Variants in IL1R2 observed in about 807,000 individuals in gnomAD.
IL1R2 encodes interleukin-1 receptor type 2.
In IL1R2, 46 loss-of-function variants were observed where a neutral mutation model predicts 39.5. The ratio of observed to expected loss-of-function variants is 1.16; its 90% CI spans 0.92 to 1.49. The LOEUF is 1.49. Among genes scored for constraint, IL1R2 ranks in the 40% most tolerant of loss-of-function variants. The probability of loss-of-function intolerance (pLI) is 0.00; values close to 1 mark genes in which losing one functional copy is unlikely to be tolerated. For missense variants in IL1R2, 537 were observed against 502.0 expected, an observed-to-expected ratio of 1.07 and a Z score of -0.67; for synonymous variants, 207 against 189.6, an observed-to-expected ratio of 1.09 and a Z score of -0.75.
intron 1 of IL1R2, among the ~76,000 whole-genome samples, chr2:101,994,649 C>T (rs1675504655): frequency 6.6e-6 from 1 of 152,188 alleles, no homozygotes. Context: ...GAGACGTGTC[C>T]AGGGCCAAGC....
chr2:102,021,300 C>CTT (rs1374284929), intron 5 of IL1R2, among the ~76,000 whole-genome samples: 7 of 134,994 alleles, frequency 5.2e-5, no homozygotes, highest in East Asian at 4.4e-4. Context: ...TCTTTCTTTT[C>CTT]TTTTCTTTTT....
chr2:101,997,412 T>A (rs1675646088), intron 1 of IL1R2, among the ~76,000 whole-genome samples: 1 of 152,180 alleles, frequency 6.6e-6, no homozygotes, highest in Non-Finnish European at 1.5e-5. Flanking sequence ...ACAGCACCTG[T>A]TGCTGCACCT....
chr2:101,998,517 G>T (rs1410228629), intron 1 of IL1R2, among the ~76,000 whole-genome samples: 2 of 152,230 alleles, frequency 1.3e-5, no homozygotes, highest in African/African-American at 4.8e-5. Context: ...ACTATTTTAT[G>T]ATAACTCCTA....
Position 102,016,078 on chromosome 2 carries a change from CT to C in IL1R2, c.513+28del, listed in dbSNP as rs756545089. 8.9e-6 allele frequency: 14 copies of C among 1,566,304 alleles called. No individual in the cohort carries two copies. In the African/African-American group the frequency reaches 1.8e-4, roughly 20 times the overall value. ...TACGGCTTTAAAAAATGCCATTTTA[CT>C]AAAATGTGTTTTCTTTTTTTACTAG... On this transcript the variant is annotated intron_variant, in intron 4 of 8. Transcript: ENST00000332549.
chr2:101,997,729 T>G (rs538970250), intron 1 of IL1R2, among the ~76,000 whole-genome samples: 2 of 152,320 alleles, frequency 1.3e-5, no homozygotes, highest in African/African-American at 4.8e-5. Flanking sequence ...CCATTCTTCT[T>G]TAGTGCCCCT....
intron 1 of IL1R2, among the ~76,000 whole-genome samples, chr2:102,005,878 G>T (rs912955533): frequency 6.6e-6 from 1 of 152,214 alleles, no homozygotes; most frequent in Non-Finnish European, 1.5e-5. Context: ...AAGAGCAAGG[G>T]CTTTGGAATC....
chr2:102,004,492 C>CAAA (rs34596104), intron 1 of IL1R2, among the ~76,000 whole-genome samples: 181 of 99,324 alleles, frequency 1.8e-3, no homozygotes, highest in African/African-American at 5.0e-3. Flanking sequence ...GGTTATTTGA[C>CAAA]AAAAAAAAAA....
intron 1 of IL1R2, among the ~76,000 whole-genome samples, chr2:101,994,061 T>C (rs1228872895): frequency 6.6e-6 from 1 of 151,940 alleles, no homozygotes; most frequent in Non-Finnish European, 1.5e-5. Flanking sequence ...CACGGGAGAG[T>C]GCCTTTCTTC....
Position 102,009,718 on chromosome 2 carries a change from C to T in IL1R2, c.224C>T (p.Ala75Val). 1 of 1,614,194 alleles carries T rather than the reference C, an allele frequency of 6.2e-7. No homozygotes were observed. Among genetic ancestry groups the T allele is most frequent in the South Asian group, 1.1e-5 (1 of 91,090 alleles). The stretch of plus-strand genomic sequence containing the variant: ...CTGACATGGCATAAAAATGACTCTG[C>T]TAGGACGGTCCCAGGAGAAGAAGAG... ...INLTWHKNDSARTVPGEEETR... is the reference protein window; with the variant it reads ...INLTWHKNDSVRTVPGEEETR... Residue 75 changes from alanine to valine, a missense_variant, in exon 3 of 9, where the codon GCT becomes GTT. Transcript: ENST00000332549.
Position 102,019,787 on chromosome 2 carries a change from T to C in IL1R2, c.663T>C (p.Thr221=), listed in dbSNP as rs772274514. 3 of 1,614,084 alleles carry C rather than the reference T, an allele frequency of 1.9e-6. No individual in the cohort carries two copies. Among genetic ancestry groups the C allele is most frequent in the South Asian group, 1.1e-5 (1 of 91,060 alleles). Residue 221 remains threonine, a synonymous_variant, in exon 5 of 9, where the codon ACT becomes ACC. Transcript: ENST00000332549. ...FAHEGQQYNI[T]RSIELRIKKK... is the part of the protein sequence containing the mutation. ...ATGAAGGCCAGCAATACAACATCAC[T>C]AGGAGTATTGAGCTACGCATCAAGA...
At chr2:102,002,721 T>C (rs986507704) in intron 1 of IL1R2, among the ~76,000 whole-genome samples, 5 of 152,130 alleles carry the variant, frequency 3.3e-5, no homozygotes, top group African/African-American at 1.2e-4. Flanking sequence ...TCTATGTCTA[T>C]GCCTATGCCT....
intron 5 of IL1R2, among the ~76,000 whole-genome samples, chr2:102,021,568 C>A (rs935229009): frequency 6.6e-6 from 1 of 152,208 alleles, no homozygotes; most frequent in Non-Finnish European, 1.5e-5. Flanking sequence ...CCTGCCTCGG[C>A]CTCCCAAAGT....
intron 1 of IL1R2, among the ~76,000 whole-genome samples, chr2:102,006,962 C>T (rs1676304192): frequency 1.3e-5 from 2 of 152,162 alleles, no homozygotes; most frequent in African/African-American, 4.8e-5. Flanking sequence ...CTTACTGGTC[C>T]AAGGAGGATG....
chr2:102,020,831 T>A (rs1185135812), intron 5 of IL1R2, among the ~76,000 whole-genome samples: 2 of 152,186 alleles, frequency 1.3e-5, no homozygotes. Context: ...TGTGTTGTGA[T>A]CCTCCCAGGA....
chr2:102,009,431 C>T, intron 2 of IL1R2, 131 bp from the exon 3 acceptor site: 1 of 1,013,254 alleles, frequency 9.9e-7, no homozygotes, highest in Non-Finnish European at 1.5e-6. Flanking sequence ...TTGTTAGGGA[C>T]AAATGACATC....
intron 6 of IL1R2, chr2:102,023,743 TC>T (rs1677540223): frequency 6.6e-6 from 1 of 152,056 alleles, no homozygotes; most frequent in Non-Finnish European, 1.5e-5. Context: ...GAGGGCACCA[TC>T]TATAGAAAAC....
intron 6 of IL1R2, among the ~76,000 whole-genome samples, chr2:102,023,058 C>T (rs535616657): frequency 3.3e-5 from 5 of 152,324 alleles, no homozygotes; most frequent in Admixed American, 3.3e-4. Flanking sequence ...GGTCTGTGTG[C>T]CTATAAAACC....
At chr2:101,992,300 GAGAGACAGAGAAAGAC>G (rs1055167490) in intron 1 of IL1R2, among the ~76,000 whole-genome samples, 1 of 150,944 alleles carries the variant, frequency 6.6e-6, no homozygotes, top group Non-Finnish European at 1.5e-5. Flanking sequence ...CAGAGACAGA[GAGAGACAGAGAAAGAC>G]AGAGACAGAG....
At chr2:102,010,359 G>A (rs138916289) in intron 3 of IL1R2, among the ~76,000 whole-genome samples, 11 of 152,204 alleles carry the variant, frequency 7.2e-5, no homozygotes, top group African/African-American at 2.7e-4. Context: ...GGATCACGAG[G>A]TCAGGAGATC....
Sources: gnomAD v4.1 joint callset for allele counts (sites outside exome capture counted in the v4.1 genomes callset) on GRCh38, gnomAD v4.1.1 for gene constraint, MANE v1.5 for transcripts, NCBI Gene and HGNC (gene_info 2026-07-23, HGNC 2026-07-21) for gene names.